Variants in CBLB observed in about 807,000 individuals in gnomAD.
CBLB encodes the protein Cbl proto-oncogene B, also known as E3 ubiquitin-protein ligase CBL-B.
Under a neutral mutation model 104.9 loss-of-function variants are expected in CBLB, and 31 were observed. The observed-to-expected ratio is 0.30, with a 90% CI of 0.22 to 0.40. The LOEUF (loss-of-function observed/expected upper bound fraction) is 0.40, where lower values mean the gene tolerates loss of function less well. Ranked by LOEUF, CBLB falls within the 10% of genes least tolerant of loss-of-function variation. CBLB has a pLI of 1.00. For synonymous variants in CBLB, 440 were observed against 422.6 expected (o/e 1.04, Z -0.51); for missense variants, 1,062 against 1,214.6 (o/e 0.87, Z 1.87).
At chr3:105,831,768 AG>A (rs1267368946) in intron 3 of CBLB, among the ~76,000 whole-genome samples, 1 of 152,246 alleles carries the variant, frequency 6.6e-6, no homozygotes, top group African/African-American at 2.4e-5. Flanking sequence ...TAGAATCAAA[AG>A]AAAAACTTTT....
intron 3 of CBLB, among the ~76,000 whole-genome samples, chr3:105,807,559 G>A (rs902531822): frequency 6.6e-6 from 1 of 151,770 alleles, no homozygotes; most frequent in African/African-American, 2.4e-5. Flanking sequence ...TAATTTAATG[G>A]AAAAACATAA....
intron 7 of CBLB, among the ~76,000 whole-genome samples, chr3:105,738,640 A>T (rs940113515): frequency 1.3e-5 from 2 of 152,122 alleles, no homozygotes; most frequent in African/African-American, 4.8e-5. Flanking sequence ...AGGAAAGGTT[A>T]AAGGTTCTTT....
intron 17 of CBLB, chr3:105,671,393 A>G (rs2065044896): frequency 4.6e-6 from 1 of 216,310 alleles, no homozygotes; most frequent in Non-Finnish European, 9.3e-6. Flanking sequence ...TGTTTGAATT[A>G]TACCTCCTAA....
chr3:105,692,488 T>A (rs535120847), intron 13 of CBLB, among the ~76,000 whole-genome samples: 1 of 152,106 alleles, frequency 6.6e-6, no homozygotes, highest in Admixed American at 6.6e-5. Flanking sequence ...GTCTGAGATA[T>A]GGACCTTTAG....
intron 9 of CBLB, among the ~76,000 whole-genome samples, chr3:105,720,524 T>C (rs761636176): frequency 4.6e-5 from 7 of 152,216 alleles, no homozygotes; most frequent in Non-Finnish European, 8.8e-5. Context: ...TTTTCCTGAC[T>C]GTTCACTTAT....
At chr3:105,709,411 C>T (rs2070730092) in intron 10 of CBLB, among the ~76,000 whole-genome samples, 1 of 151,646 alleles carries the variant, frequency 6.6e-6, no homozygotes. Context: ...TTCACTTTTT[C>T]TCTCTTCATT....
chr3:105,820,659 T>C (rs1455947251), intron 3 of CBLB, among the ~76,000 whole-genome samples: 1 of 152,006 alleles, frequency 6.6e-6, no homozygotes, highest in Non-Finnish European at 1.5e-5. Flanking sequence ...TGAATTAATT[T>C]TACACAAACA....
intron 7 of CBLB, 93 bp downstream of exon 7, chr3:105,740,401 C>T: frequency 7.8e-7 from 1 of 1,289,658 alleles, no homozygotes; most frequent in Non-Finnish European, 1.1e-6. Flanking sequence ...ACATAAAAAG[C>T]AGCCTTGCTA....
chr3:105,833,045 G>C (rs1165956020), intron 3 of CBLB, among the ~76,000 whole-genome samples: 1 of 152,162 alleles, frequency 6.6e-6, no homozygotes, highest in African/African-American at 2.4e-5. Context: ...GGTCCTAAAG[G>C]CCTGAAAAAC....
chr3:105,665,412 A>ATATAT (rs1559734328), intron 18 of CBLB, among the ~76,000 whole-genome samples: 115 of 74,726 alleles, frequency 1.5e-3, no homozygotes, highest in East Asian at 4.5e-3. Context: ...TAAATAAATA[A>ATATAT]ATAAATATAT....
chr3:105,868,383 CG>C lies in CBLB; in HGVS notation c.-15+352del, dbSNP rs887536688. 3.9e-4 allele frequency: 166 copies of C among 429,604 alleles called. 1 individual carries two copies. The highest frequency in any genetic ancestry group is 3.3e-3 in the African/African-American group (162 of 49,246). 26.6% of individuals were successfully genotyped at this position (429,604 alleles called of 1,614,324 possible). On this transcript the variant is annotated intron_variant, in intron 1 of 18. Coordinates refer to ENST00000394030, the MANE Select transcript of CBLB (RefSeq NM_170662.5). ...CTGCTCAGGCCCCTTCCCGGCCCCT[CG>C]GGTCTGAGCTGCAGGAGGAAGGTGG... is the stretch of plus-strand genomic sequence containing the variant.
chr3:105,850,207 A>T (rs2090774130), intron 3 of CBLB, among the ~76,000 whole-genome samples: 1 of 152,120 alleles, frequency 6.6e-6, no homozygotes, highest in Admixed American at 6.6e-5. Flanking sequence ...AGAGAAAATT[A>T]TAAATTATAA....
At chr3:105,683,400 G>T (rs565277586) in intron 14 of CBLB, among the ~76,000 whole-genome samples, 2 of 152,012 alleles carry the variant, frequency 1.3e-5, no homozygotes, top group Non-Finnish European at 2.9e-5. Flanking sequence ...GATTATCAAC[G>T]TTTATTACTT....
intron 12 of CBLB, among the ~76,000 whole-genome samples, chr3:105,696,330 C>G (rs917607776): frequency 6.6e-6 from 1 of 151,654 alleles, no homozygotes; most frequent in Admixed American, 6.6e-5. Flanking sequence ...GGCTAGAGGA[C>G]AAGATTTAAC....
Position 105,741,426 on chromosome 3 carries a change from T to C in CBLB, c.846-795A>G, listed in dbSNP as rs573772573. Among the ~76,000 whole-genome samples, 296 of 149,990 alleles carry C rather than the reference T, an allele frequency of 2.0e-3. 3 individuals are homozygous for C. The South Asian group carries it at 0.028, about 14-fold the overall frequency. ...TTGTTTTGTTTTTGAGACAGAGTCT[T>C]GCTCTGTCGCCCATGCTGGAGTGCA... is the stretch of plus-strand genomic sequence containing the variant. On this transcript the variant is annotated intron_variant, in intron 6 of 18. Coordinates refer to ENST00000394030, the MANE Select transcript of CBLB (RefSeq NM_170662.5).
chr3:105,862,016 AT>A (rs1224542281), intron 2 of CBLB, among the ~76,000 whole-genome samples: 2 of 152,214 alleles, frequency 1.3e-5, no homozygotes, highest in South Asian at 2.1e-4. Flanking sequence ...CTAGGATGTC[AT>A]TATGGTTTAA....
At chr3:105,766,636 T>A (rs2078256973) in intron 4 of CBLB, among the ~76,000 whole-genome samples, 1 of 148,776 alleles carries the variant, frequency 6.7e-6, no homozygotes, top group Non-Finnish European at 1.5e-5. Context: ...TTAGCAATTC[T>A]TTTTTAGTTA....
intron 3 of CBLB, among the ~76,000 whole-genome samples, chr3:105,838,915 C>T (rs1229543173): frequency 3.3e-5 from 5 of 152,102 alleles, no homozygotes; most frequent in Non-Finnish European, 7.4e-5. Flanking sequence ...CACGCCCGGC[C>T]CCCTCTTCTA....
At chr3:105,848,422 T>C (rs957887091) in intron 3 of CBLB, among the ~76,000 whole-genome samples, 1 of 152,092 alleles carries the variant, frequency 6.6e-6, no homozygotes, top group African/African-American at 2.4e-5. Context: ...AACTAGGAAA[T>C]GTATTGAATG....
Sources: gnomAD v4.1 joint callset for allele counts (sites outside exome capture counted in the v4.1 genomes callset) on GRCh38, gnomAD v4.1.1 for gene constraint, MANE v1.5 for transcripts, NCBI Gene and HGNC (gene_info 2026-07-23, HGNC 2026-07-21) for gene names.